Variants in MATR3 observed in about 807,000 individuals in gnomAD.
The protein encoded by MATR3 is matrin-3.
Under a neutral mutation model 85.5 loss-of-function variants are expected in MATR3, and 4 were observed. The observed-to-expected ratio is 0.05, with a 90% confidence interval of 0.02 to 0.11. The LOEUF (loss-of-function observed/expected upper bound fraction) is 0.11, where lower values mean the gene tolerates loss of function less well. MATR3 is among the 10% of genes least tolerant of loss of function. The pLI is 1.00. For missense variants in MATR3, 685 were observed against 1,016.1 expected (o/e 0.67, Z 4.43); for synonymous variants, 336 against 343.1 (o/e 0.98, Z 0.23).
intron 9 of MATR3, chr5:139,321,685 A>C (rs963670807): frequency 6.0e-5 from 34 of 565,676 alleles, no homozygotes; most frequent in Non-Finnish European, 9.4e-5. Flanking sequence ...TGGGGGGCTA[A>C]GGTGGGAGGA....
chr5:139,307,169 G>GT lies in MATR3; in HGVS notation c.-177-61dup, dbSNP rs543799073. On this transcript the variant is annotated intron_variant, in intron 1 of 14. Coordinates refer to ENST00000394805, the MANE Select transcript of MATR3 (RefSeq NM_018834.6). This position sits in a 1 kb window ranked among gnomAD's most constrained non-coding sequence, Gnocchi z 4.4. ...TTTTTTAAATCAACATGATGCATAA[G>GT]TTTTTTTTTCTTAAAAAAACGGCAT... is the stretch of plus-strand genomic sequence containing the variant. 3,419 of 1,055,796 alleles carry GT rather than the reference G, an allele frequency of 3.2e-3. No individual in the cohort carries two copies. Among genetic ancestry groups the GT allele is most frequent in the African/African-American group, 5.6e-3 (336 of 59,756 alleles). The allele number at this position is 1,055,796 out of a possible 1,614,324, so 65.4% of individuals were successfully genotyped here.
chr5:139,319,342 A>C lies in MATR3; in HGVS notation c.1443A>C (p.Glu481Asp). 2 of 1,614,146 alleles carry C rather than the reference A, an allele frequency of 1.2e-6. No homozygotes were observed. Among genetic ancestry groups the C allele is most frequent in the Non-Finnish European group, 1.7e-6 (2 of 1,180,012 alleles). Reference protein sequence around the residue: ...SQKYKRIKKPEGKPDQKFDQK... With the variant: ...SQKYKRIKKPDGKPDQKFDQK... ...GTTGTTATTTATTAAAGAAACCTGAAGGAAAGCCAGATCAGAAGTTTGATC... is the reference window on the plus strand; with the variant it reads ...GTTGTTATTTATTAAAGAAACCTGACGGAAAGCCAGATCAGAAGTTTGATC... Residue 481 changes from glutamate (E) to aspartate (D), a missense_variant, in exon 9 of 15, where the codon GAA becomes GAC. Coordinates refer to ENST00000394805, the MANE Select transcript of MATR3 (RefSeq NM_018834.6).
chr5:139,305,740 C>T (rs1161948615), intron 1 of MATR3, among the ~76,000 whole-genome samples: 2 of 152,112 alleles, frequency 1.3e-5, no homozygotes, highest in African/African-American at 2.4e-5. Context: ...TGTATTTTCT[C>T]AAATTCATCT....
In MATR3 at chr5:139,308,229, G is replaced by A. The variant is rs1754806655; in HGVS notation, c.814G>A (p.Ala272Thr). ...ATCTCTCTTTGAGAAAAAGAGAGGC[G>A]CTCCTCCAAGTAGCAATATTGAAGA... is the stretch of plus-strand genomic sequence containing the variant. ...ERSLFEKKRG[A>T]PPSSNIEDFH... Residue 272 changes from alanine to threonine, a missense_variant, in exon 2 of 15, where the codon GCT becomes ACT. Ala to Thr is a moderately conservative substitution (Grantham distance 58). Transcript: ENST00000394805. The A allele has an allele frequency of 4.3e-6, 7 of 1,614,000 alleles. No individual in the cohort carries two copies. The highest frequency in any genetic ancestry group is 5.1e-6 in the Non-Finnish European group (6 of 1,179,960).
At chr5:139,290,707 T>C (rs1349642273), upstream of MATR3, among the ~76,000 whole-genome samples, 1 of 152,078 alleles carries the variant, frequency 6.6e-6, no homozygotes, top group East Asian at 1.9e-4. Flanking sequence ...CACTTTAGCC[T>C]TCCAAAGTGC....
At chr5:139,299,951 G>A (rs1754355875) in intron 1 of MATR3, 1 of 152,284 alleles carries the variant, frequency 6.6e-6, no homozygotes, top group Non-Finnish European at 1.5e-5. Flanking sequence ...ACAGGTTAAG[G>A]ATGCAGGGTG....
In MATR3 at chr5:139,293,805, G is replaced by A. The variant is rs1467438842; in HGVS notation, c.-178G>A. 4.9e-6 allele frequency: 2 copies of A among 404,298 alleles called. No individual in the cohort carries two copies. The highest frequency in any genetic ancestry group is 4.3e-6 in the Non-Finnish European group (1 of 232,020). 25.0% of individuals were successfully genotyped at this position (404,298 alleles called of 1,614,324 possible). On this transcript the variant is annotated splice_region_variant and 5_prime_UTR_variant, in exon 1 of 15. Coordinates refer to ENST00000394805, the MANE Select transcript of MATR3 (RefSeq NM_018834.6). ...TCCTTTTCCCTCTCCCTTTCCCTAA[G>A]GTAGGCGTGAAGCGGGTAAGAGTCG... is the stretch of plus-strand genomic sequence containing the variant.
intron 1 of MATR3, among the ~76,000 whole-genome samples, chr5:139,275,016 C>T (rs1225102871): frequency 2.0e-5 from 3 of 151,598 alleles, no homozygotes; most frequent in Non-Finnish European, 2.9e-5. Context: ...TGCTCTGTTG[C>T]CCAGGCTGGA....
upstream of MATR3, chr5:139,292,078 A>G (rs114505957): frequency 2.6e-3 from 396 of 150,380 alleles, 1 homozygote; most frequent in African/African-American, 9.3e-3. Context: ...GTACCAGGTG[A>G]GTAGCTGGGA....
intron 2 of MATR3, among the ~76,000 whole-genome samples, chr5:139,309,818 A>G (rs1754881633): frequency 6.6e-6 from 1 of 152,174 alleles, no homozygotes; most frequent in African/African-American, 2.4e-5. Flanking sequence ...AATTCATAGA[A>G]TGAAAAGGTC....
chr5:139,293,765 G>A lies in MATR3; in HGVS notation c.-218G>A, dbSNP rs1753974553. 3 of 389,376 alleles carry A rather than the reference G, an allele frequency of 7.7e-6. No individual in the cohort carries two copies. In the East Asian group the frequency reaches 1.1e-4, roughly 14 times the overall value. 24.1% of individuals were successfully genotyped at this position (389,376 alleles called of 1,614,324 possible). A position where few individuals can be genotyped will look rare whatever the true frequency, so the allele number is the denominator to read the frequency against. On this transcript the variant is annotated 5_prime_UTR_variant, in exon 1 of 15. Coordinates refer to ENST00000394805, the MANE Select transcript of MATR3 (RefSeq NM_018834.6). ...GGGAGTCTCCGCGTCCCGCTCGCTG[G>A]GAGAGAGGTACCTCTCCTTTTCCCT...
Position 139,319,465 on chromosome 5 carries a change from A to G in MATR3, c.1566A>G (p.Lys522=). 1 of 1,613,956 alleles carries G rather than the reference A, an allele frequency of 6.2e-7. No individual in the cohort carries two copies. Among genetic ancestry groups the G allele is most frequent in the Non-Finnish European group, 8.5e-7 (1 of 1,179,950 alleles). The part of the protein sequence containing the change: ...AVLKLAEPYG[K]IKNYILMRMK... ...TCAAGCTTGCTGAGCCTTATGGGAA[A>G]ATAAAGAATTACATATTGATGAGGA... is the stretch of plus-strand genomic sequence containing the variant. Residue 522 remains lysine, a synonymous_variant, in exon 9 of 15, where the codon AAA becomes AAG. Coordinates refer to ENST00000394805, the MANE Select transcript of MATR3 (RefSeq NM_018834.6).
chr5:139,283,556 C>A (rs1309340451), intron 3 of MATR3: 1 of 152,316 alleles, frequency 6.6e-6, no homozygotes, highest in Non-Finnish European at 1.5e-5. Flanking sequence ...TTCCCAGACA[C>A]TTGACCTCCT....
chr5:139,282,520 A>G (rs1224007796), intron 3 of MATR3, among the ~76,000 whole-genome samples: 1 of 152,152 alleles, frequency 6.6e-6, no homozygotes, highest in Non-Finnish European at 1.5e-5. Flanking sequence ...TTTAAAATTT[A>G]TTTTATTTTA....
chr5:139,322,234 C>T (rs1480210082), intron 10 of MATR3, among the ~76,000 whole-genome samples: 3 of 152,150 alleles, frequency 2.0e-5, no homozygotes, highest in Admixed American at 6.5e-5. Context: ...ACCTTCATTG[C>T]TCTTATCTGT....
At chr5:139,317,332 C>T (rs960405479) in intron 6 of MATR3, among the ~76,000 whole-genome samples, 1 of 152,140 alleles carries the variant, frequency 6.6e-6, no homozygotes, top group African/African-American at 2.4e-5. Context: ...CTTTGCTGTC[C>T]AGTTACGCGT....
At chr5:139,308,851 TCTTC>T (rs1754832235) in intron 2 of MATR3, among the ~76,000 whole-genome samples, 1 of 152,194 alleles carries the variant, frequency 6.6e-6, no homozygotes, top group Non-Finnish European at 1.5e-5. Flanking sequence ...ATTAGTTCAT[TCTTC>T]CTTTTTTAAT....
Position 139,317,087 on chromosome 5 carries a change from C to T in MATR3, c.1164C>T (p.His388=). 2 of 1,614,074 alleles carry T rather than the reference C, an allele frequency of 1.2e-6. No homozygotes were observed. The highest frequency in any genetic ancestry group is 2.2e-5 in the South Asian group (2 of 91,086). Residue 388 remains histidine, a synonymous_variant, in exon 6 of 15, where the codon CAC becomes CAT. Transcript: ENST00000394805. ...AGNGNLQGPR[H]MQKGRVETSR... ...ATGGAAACCTGCAAGGACCTAGACA[C>T]ATGCAGAAAGGCAGAGTGGTCAGTA... is the stretch of plus-strand genomic sequence containing the variant.
rs112885090 is a variant in MATR3 at position 139,323,662 on chromosome 5, C to T, written c.2148+695C>T. ...GTGGCTCACGCCTGTAATCCCAGCA[C>T]TTTGGGAGGCCCAGCAGATCAGTTG... On this transcript the variant is annotated intron_variant, in intron 12 of 14. Transcript: ENST00000394805. 6.7e-3 allele frequency among the ~76,000 whole-genome samples: 1,020 copies of T among 152,260 alleles called. 7 individuals carry two copies. The highest frequency in any genetic ancestry group is 0.023 in the African/African-American group (960 of 41,542).
Sources: allele counts gnomAD v4.1 joint callset (sites outside exome capture counted in the v4.1 genomes callset), GRCh38; gene constraint gnomAD v4.1.1; non-coding constraint Gnocchi (gnomAD v3.1); transcripts MANE v1.5; gene names NCBI Gene and HGNC (gene_info 2026-07-23, HGNC 2026-07-21).